The following USP33 variants were observed in gnomAD, a reference collection of about 807,000 sequenced individuals.
USP33 encodes ubiquitin specific peptidase 33, also known as ubiquitin carboxyl-terminal hydrolase 33.
A neutral mutation model predicts 124.2 loss-of-function variants in USP33; 46 were observed. That is an observed-to-expected ratio of 0.37 (90% CI 0.29 to 0.47). USP33 has a LOEUF of 0.47. Ranked by LOEUF, USP33 falls within the 20% of genes least tolerant of loss-of-function variation. USP33 has a pLI of 0.99. For missense variants in USP33, 851 were observed against 1,070.6 expected (o/e 0.79, Z 2.86); for synonymous variants, 350 against 352.3 (o/e 0.99, Z 0.07).
chr1:77,705,875 C>T (rs940039611), intron 21 of USP33, among the ~76,000 whole-genome samples: 3 of 152,054 alleles, frequency 2.0e-5, no homozygotes, highest in African/African-American at 7.2e-5. Context: ...CACTTTTTCC[C>T]TTTTTAGAAA....
intron 4 of USP33, among the ~76,000 whole-genome samples, chr1:77,740,650 T>C (rs1570837942): frequency 6.6e-6 from 1 of 152,236 alleles, no homozygotes; most frequent in Admixed American, 6.5e-5. Context: ...CCACCATGCC[T>C]GGCCGGATGT....
At chr1:77,749,963 A>T (rs1420890183) in intron 1 of USP33, among the ~76,000 whole-genome samples, 1 of 152,236 alleles carries the variant, frequency 6.6e-6, no homozygotes, top group Non-Finnish European at 1.5e-5. Context: ...TGAAAAAAAG[A>T]ATAAAACATA....
intron 1 of USP33, among the ~76,000 whole-genome samples, chr1:77,751,260 C>T (rs915275052): frequency 1.3e-5 from 2 of 152,148 alleles, no homozygotes; most frequent in Admixed American, 1.3e-4. Context: ...ATGGCAGCAA[C>T]ACCAACTGAA....
At position 77,740,915 on chromosome 1, in the gene USP33, C is replaced by A; in HGVS notation, c.160G>T (p.Gly54Cys). 1 of 1,565,978 alleles carries A rather than the reference C, an allele frequency of 6.4e-7. No homozygotes were observed. The highest frequency in any genetic ancestry group is 8.7e-7 in the Non-Finnish European group (1 of 1,152,774). Residue 54 changes from glycine (G) to cysteine (C), a missense_variant, in exon 4 of 24, where the codon GGT (glycine) becomes TGT (cysteine). Coordinates refer to ENST00000370794, the MANE Select transcript of USP33 (RefSeq NM_201624.3). ...GTGCTGTGATCTACTTGTGATTCAC[C>A]ACAGCCAACATATGAACATCTATTC... Reference protein sequence around the residue: ...LENRCSYVGCGESQVDHSTIH... With the variant: ...LENRCSYVGCCESQVDHSTIH...
At chr1:77,750,624 A>AAAAGAAACAAAGAAAGAAAGAAAGAAAG (rs1469933007) in intron 1 of USP33, among the ~76,000 whole-genome samples, 2 of 123,290 alleles carry the variant, frequency 1.6e-5, no homozygotes, top group African/African-American at 6.4e-5. Flanking sequence ...CCTGACTTAA[A>AAAAGAAACAAAGAAAGAAAGAAAGAAAG]AAAGAAAGAA....
intron 17 of USP33, 71 bp from the exon 18 acceptor site, chr1:77,715,939 T>C (rs946113230): frequency 1.3e-6 from 2 of 1,483,730 alleles, no homozygotes; most frequent in East Asian, 2.4e-5. Context: ...AAACTTTTTA[T>C]ATTTCCAGTG....
At chr1:77,725,244 A>G (rs1327794239) in intron 11 of USP33, among the ~76,000 whole-genome samples, 2 of 152,302 alleles carry the variant, frequency 1.3e-5, no homozygotes, top group East Asian at 1.9e-4. Context: ...AGGCAAAACA[A>G]TAAGAAAAGA....
chr1:77,698,748 C>A (rs78107151), intron 22 of USP33, among the ~76,000 whole-genome samples: 208 of 152,146 alleles, frequency 1.4e-3, no homozygotes, highest in African/African-American at 4.8e-3. Flanking sequence ...GATCCACCCC[C>A]CTCGGCCTCC....
chr1:77,713,081 A>G (rs555904866), intron 20 of USP33, 119 bp downstream of exon 20: 4 of 768,142 alleles, frequency 5.2e-6, no homozygotes, highest in South Asian at 1.8e-5. Context: ...TTTAGAATGA[A>G]TAAGTAAGGG....
intron 23 of USP33, 144 bp from the exon 24 acceptor site, chr1:77,697,618 G>A (rs1673544043): frequency 2.9e-6 from 3 of 1,042,904 alleles, no homozygotes; most frequent in Middle Eastern, 3.1e-4. Context: ...AGCCCATATT[G>A]TTATAAGCTG....
chr1:77,726,194 C>A (rs1489894654), intron 10 of USP33, among the ~76,000 whole-genome samples: 1 of 152,188 alleles, frequency 6.6e-6, no homozygotes, highest in East Asian at 1.9e-4. Flanking sequence ...AAGTGATCCA[C>A]CCACTTTGGC....
At position 77,739,252 on chromosome 1, in the gene USP33, T is replaced by C. The variant is rs1385989642; in HGVS notation, c.351+13A>G. The C allele has an allele frequency of 2.5e-6, 4 of 1,601,946 alleles. No individual in the cohort carries two copies. The African/African-American group carries it at 5.4e-5, about 22-fold the overall frequency. On this transcript the variant is annotated intron_variant, in intron 5 of 23. Transcript: ENST00000370794. The stretch of plus-strand genomic sequence containing the variant: ...ATGTTTTACAGCTTAACTAAGTGGA[T>C]CTAGATTATTACCTGGACACTGTTT...
intron 19 of USP33, chr1:77,713,562 T>C (rs969981873): frequency 2.2e-4 from 52 of 234,826 alleles, no homozygotes; most frequent in African/African-American, 1.1e-3. Flanking sequence ...CTTTTCTTTT[T>C]TTTTTTTTTT....
Position 77,713,296 on chromosome 1 carries a change from A to C in USP33, c.2216-15T>G, listed in dbSNP as rs374998564. 1.3e-6 allele frequency: 2 copies of C among 1,561,828 alleles called. No homozygotes were observed. Among genetic ancestry groups the C allele is most frequent in the Non-Finnish European group, 1.7e-6 (2 of 1,159,292 alleles). ...TGGAGGAACACCTAAAAAAATATATAAACATATCTGTTTCATGCTTTTAAT... is the reference window on the plus strand; with the variant it reads ...TGGAGGAACACCTAAAAAAATATATCAACATATCTGTTTCATGCTTTTAAT... On this transcript the variant is annotated splice_polypyrimidine_tract_variant and intron_variant, in intron 19 of 23. Transcript: ENST00000370794.
intron 15 of USP33, 123 bp downstream of exon 15, chr1:77,721,049 A>G: frequency 9.6e-7 from 1 of 1,038,924 alleles, no homozygotes; most frequent in Non-Finnish European, 1.4e-6. Flanking sequence ...TATTATTACT[A>G]GGATAAACCT....
At chr1:77,702,155 AAAAAAAAAAAAAAAAAAAAAAAC>A (rs1242475893) in intron 21 of USP33, among the ~76,000 whole-genome samples, 1 of 136,906 alleles carries the variant, frequency 7.3e-6, no homozygotes, top group Non-Finnish European at 1.5e-5. Context: ...AAAAAAAAAA[AAAAAAAAAAAAAAAAAAAAAAAC>A]CAGTGGTACA....
Position 77,713,301 on chromosome 1 carries a change from TATCTGTTTC to T in USP33, c.2216-29_2216-21del. 6.4e-7 allele frequency: 1 copy of T among 1,555,060 alleles called. No homozygotes were observed. On this transcript the variant is annotated intron_variant, in intron 19 of 23. Coordinates refer to ENST00000370794, the MANE Select transcript of USP33 (RefSeq NM_201624.3). ...GAACACCTAAAAAAATATATAAACATATCTGTTTCATGCTTTTAATTATATTCCTTTCAA... is the reference window on the plus strand; with the variant it reads ...GAACACCTAAAAAAATATATAAACATATGCTTTTAATTATATTCCTTTCAA...
intron 5 of USP33, 103 bp from the exon 6 acceptor site, chr1:77,736,261 G>T: frequency 3.1e-6 from 2 of 637,832 alleles, no homozygotes; most frequent in Non-Finnish European, 4.9e-6. Flanking sequence ...TTATTGAGAT[G>T]TTATTTTAAT....
intron 6 of USP33, 92 bp from the exon 7 acceptor site, chr1:77,734,508 AG>A (rs1238529208): frequency 8.0e-6 from 6 of 746,710 alleles, no homozygotes; most frequent in Non-Finnish European, 1.3e-5. Flanking sequence ...AATTACATTA[AG>A]GACCACGGAA....
Sources: gnomAD v4.1 joint callset for allele counts (sites outside exome capture counted in the v4.1 genomes callset) on GRCh38, gnomAD v4.1.1 for gene constraint, MANE v1.5 for transcripts, NCBI Gene and HGNC (gene_info 2026-07-23, HGNC 2026-07-21) for gene names.